BCOR: variants seen among roughly 807,000 people sequenced by gnomAD.
BCOR encodes BCL6 corepressor.
A neutral mutation model predicts 86.7 loss-of-function variants in BCOR; 10 were observed. That is an observed-to-expected ratio of 0.12 (90% CI 0.07 to 0.20). The LOEUF (loss-of-function observed/expected upper bound fraction) is 0.20. Ranked by LOEUF, BCOR falls within the 10% of genes least tolerant of loss-of-function variation. BCOR has a pLI of 1.00. For synonymous variants in BCOR, 611 were observed against 609.0 expected, an observed-to-expected ratio of 1.00 and a Z score of -0.05; for missense variants, 1,259 against 1,452.1, an observed-to-expected ratio of 0.87 and a Z score of 2.16.
intron 14 of BCOR, 118 bp downstream of exon 14, chrX:40,053,768 G>T: frequency 1.2e-6 from 1 of 801,749 alleles, no homozygotes; most frequent in Admixed American, 2.6e-5. Flanking sequence ...TGTGAGGTTC[G>T]TGGACAGTTA....
At chrX:40,083,968 A>G (rs1269132140) in intron 1 of BCOR, among the ~76,000 whole-genome samples, 6 of 111,918 alleles carry the variant, frequency 5.4e-5, no homozygotes, top group African/African-American at 1.9e-4. Context: ...GGGCGCAGGG[A>G]GAATCCGAGA....
Position 40,062,792 on chromosome X carries a change from C to G in BCOR, c.4127G>C (p.Gly1376Ala), listed in dbSNP as rs1421615855. The G allele has an allele frequency of 8.3e-7, 1 of 1,211,636 alleles. No individual in the cohort carries two copies. Among genetic ancestry groups the G allele is most frequent in the East Asian group, 3.0e-5 (1 of 33,850 alleles). ...KHLIPQESRR[G>A]LPLTGEYYVE... ...GTAGTATTCCCCTGTCAGTGGCAAT[C>G]CCCGCCTGGACTCCTGAGGGATCAA... is the stretch of plus-strand genomic sequence containing the variant. Residue 1376 changes from glycine to alanine, a missense_variant, in exon 9 of 15, where the codon GGA (glycine) becomes GCA (alanine). This residue lies in a region of BCOR where 305 missense variants were observed against 286.1 expected (regional missense o/e 1.07). Transcript: ENST00000378444.
At chrX:40,052,934 A>G (rs1934400929) in intron 14 of BCOR, among the ~76,000 whole-genome samples, 1 of 111,410 alleles carries the variant, frequency 9.0e-6, no homozygotes, top group Admixed American at 9.6e-5. Context: ...TCATCTGTCC[A>G]TCTAGGGAGG....
chrX:40,136,130 G>C (rs1433178903), intron 1 of BCOR, among the ~76,000 whole-genome samples: 1 of 111,794 alleles, frequency 8.9e-6, no homozygotes, highest in Non-Finnish European at 1.9e-5. Flanking sequence ...CATTGCATTT[G>C]CACTCTACCC....
At chrX:40,176,761 GCCGCCCCGCGCCACCCCCGC>G (rs1000218883) in intron 1 of BCOR, among the ~76,000 whole-genome samples, 1 of 111,668 alleles carries the variant, frequency 9.0e-6, no homozygotes, top group Non-Finnish European at 1.9e-5. Flanking sequence ...TGCGAGAGCC[GCCGCCCCGCGCCACCCCCGC>G]CCGGCCCGGC....
At chrX:40,058,763 A>G (rs953034467) in intron 10 of BCOR, among the ~76,000 whole-genome samples, 1 of 111,688 alleles carries the variant, frequency 9.0e-6, no homozygotes, top group African/African-American at 3.3e-5. Context: ...CTCTTCCTTC[A>G]GGCCCTCACC....
intron 1 of BCOR, among the ~76,000 whole-genome samples, chrX:40,107,840 A>G: frequency 8.8e-6 from 1 of 113,002 alleles, no homozygotes; most frequent in South Asian, 3.6e-4. Flanking sequence ...TGCGAGATCT[A>G]TTTGTGTGGT....
At chrX:40,100,467 A>T (rs1236493296), upstream of BCOR, among the ~76,000 whole-genome samples, 1 of 112,297 alleles carries the variant, frequency 8.9e-6, no homozygotes, top group African/African-American at 3.2e-5. Flanking sequence ...GTCGCATGTA[A>T]ACGTCCAGAA....
intron 1 of BCOR, among the ~76,000 whole-genome samples, chrX:40,168,448 T>G (rs1166480775): frequency 8.9e-6 from 1 of 112,884 alleles, no homozygotes; most frequent in East Asian, 2.8e-4. Flanking sequence ...CTAGCCTAAG[T>G]GGAACCTGAA....
chrX:40,069,525 A>G (rs1484298784), intron 6 of BCOR, among the ~76,000 whole-genome samples: 3 of 112,691 alleles, frequency 2.7e-5, no homozygotes, highest in Non-Finnish European at 5.6e-5. Flanking sequence ...AAGGGCAAGA[A>G]GGCTGGAAGC....
At chrX:40,099,607 C>T (rs768824881), upstream of BCOR, among the ~76,000 whole-genome samples, 1 of 112,289 alleles carries the variant, frequency 8.9e-6, no homozygotes, top group East Asian at 2.8e-4. Context: ...AAGTTGATTA[C>T]TAAGTCAAGG....
At chrX:40,105,633 C>T (rs990345108) in intron 1 of BCOR, among the ~76,000 whole-genome samples, 1 of 112,965 alleles carries the variant, frequency 8.9e-6, no homozygotes, top group Non-Finnish European at 1.9e-5. Flanking sequence ...CGGGCAGGAA[C>T]ACCTGCTCCC....
At chrX:40,080,975 GCACA>G (rs1188244446) in intron 1 of BCOR, among the ~76,000 whole-genome samples, 1 of 34,506 alleles carries the variant, frequency 2.9e-5, no homozygotes, top group African/African-American at 9.6e-5. Context: ...ACGCACACGC[GCACA>G]CACACACGCG....
At chrX:40,127,905 TA>T (rs1937562345) in intron 1 of BCOR, among the ~76,000 whole-genome samples, 4 of 88,167 alleles carry the variant, frequency 4.5e-5, no homozygotes, top group African/African-American at 1.2e-4. Flanking sequence ...AATAAATAAA[TA>T]AATTTAAAAA....
intron 6 of BCOR, among the ~76,000 whole-genome samples, chrX:40,070,659 G>A (rs1463261079): frequency 8.9e-6 from 1 of 111,908 alleles, no homozygotes; most frequent in Non-Finnish European, 1.9e-5. Context: ...CACCACAGGG[G>A]TGGGGCAGGA....
At chrX:40,153,680 G>C (rs1325944195) in intron 1 of BCOR, among the ~76,000 whole-genome samples, 2 of 111,598 alleles carry the variant, frequency 1.8e-5, no homozygotes, top group Non-Finnish European at 3.8e-5. Flanking sequence ...GAAAAGCCCC[G>C]AGGAGAGGAG....
chrX:40,172,167 C>T (rs1317027613), intron 1 of BCOR, among the ~76,000 whole-genome samples: 1 of 112,868 alleles, frequency 8.9e-6, no homozygotes, highest in East Asian at 2.8e-4. Flanking sequence ...CAATGCAAGA[C>T]GAGCAGGGTA....
At chrX:40,084,700 G>GCC (rs1357337034) in intron 1 of BCOR, among the ~76,000 whole-genome samples, 5 of 76,348 alleles carry the variant, frequency 6.5e-5, no homozygotes, top group African/African-American at 3.2e-4. Context: ...CGCCGTCGCC[G>GCC]CCACCCCCCC....
In BCOR at chrX:40,070,957, G is replaced by A; in HGVS notation, c.3238+16C>T. 1 of 1,206,138 alleles carries A rather than the reference G, an allele frequency of 8.3e-7. No homozygotes were observed. The stretch of plus-strand genomic sequence containing the variant: ...GACCTGAGGCCAACACAAGCAAACT[G>A]CTCAGGTTTACTTACATCTCTCACT... On this transcript the variant is annotated intron_variant, in intron 6 of 14. Coordinates refer to ENST00000378444, the MANE Select transcript of BCOR (RefSeq NM_001123385.2).
Sources: gnomAD v4.1 joint callset for allele counts (sites outside exome capture counted in the v4.1 genomes callset) on GRCh38, gnomAD v4.1.1 for gene constraint, gnomAD v4.1.1 regional missense constraint, MANE v1.5 for transcripts, NCBI Gene and HGNC (gene_info 2026-07-23, HGNC 2026-07-21) for gene names.